The following PLD5 variants were observed in gnomAD, a reference collection of about 807,000 sequenced individuals.
PLD5 encodes phospholipase D family member 5, also known as inactive phospholipase D5.
A neutral mutation model predicts 61.1 loss-of-function variants in PLD5; 36 were observed. The observed-to-expected ratio is 0.59, with a 90% confidence interval of 0.45 to 0.78. The LOEUF is 0.78. Ranked by LOEUF, PLD5 falls within the 30% of genes least tolerant of loss-of-function variation. The pLI, the probability that PLD5 is intolerant of heterozygous loss-of-function variation, is 0.00. For synonymous variants in PLD5, 243 were observed against 242.8 expected, an observed-to-expected ratio of 1.00 and a Z score of -0.01; for missense variants, 515 against 644.4, an observed-to-expected ratio of 0.80 and a Z score of 2.17.
intron 5 of PLD5, among the ~76,000 whole-genome samples, chr1:242,155,067 G>A (rs1174092876): frequency 6.6e-6 from 1 of 152,112 alleles, no homozygotes; most frequent in Non-Finnish European, 1.5e-5. Context: ...TCCTAGTTTA[G>A]ACTTGGGAGG....
chr1:242,331,364 A>G lies in PLD5; in HGVS notation c.326+16742T>C, dbSNP rs546195070. Among the ~76,000 whole-genome samples the G allele has an allele frequency of 3.9e-5, 6 of 152,092 alleles. No homozygotes were observed. In the East Asian group the frequency reaches 1.2e-3, roughly 29 times the overall value. ...AACATGGAATAAGAAACTTGACAGT[A>G]ATGTATACAAAGGACAAATGTCACT... is the stretch of plus-strand genomic sequence containing the variant. On this transcript the variant is annotated intron_variant, in intron 2 of 9. Transcript: ENST00000536534.
At chr1:242,384,936 AG>A (rs901527145) in intron 1 of PLD5, among the ~76,000 whole-genome samples, 4 of 152,360 alleles carry the variant, frequency 2.6e-5, no homozygotes, top group Non-Finnish European at 5.9e-5. Context: ...AATATTCATC[AG>A]TAGGACACAT....
intron 5 of PLD5, among the ~76,000 whole-genome samples, chr1:242,176,971 TTGG>T (rs1355210408): frequency 6.6e-6 from 1 of 152,170 alleles, no homozygotes; most frequent in Non-Finnish European, 1.5e-5. Context: ...TTGCACACTG[TTGG>T]TGGGAGTGTA....
chr1:242,380,069 A>T (rs1212974547), intron 1 of PLD5, among the ~76,000 whole-genome samples: 4 of 152,222 alleles, frequency 2.6e-5, no homozygotes, highest in Non-Finnish European at 5.9e-5. Context: ...ACTTTAGAAT[A>T]CCAGGGCATT....
intron 4 of PLD5, among the ~76,000 whole-genome samples, chr1:242,228,960 G>A (rs1157161996): frequency 9.9e-5 from 15 of 152,090 alleles, no homozygotes; most frequent in Non-Finnish European, 1.5e-5. Flanking sequence ...TATTCTTACG[G>A]TATTAACCAG....
In PLD5 at chr1:242,412,757, T is replaced by C. The variant is rs537072135; in HGVS notation, c.190-64515A>G. 1.4e-4 allele frequency among the ~76,000 whole-genome samples: 21 copies of C among 152,358 alleles called. No individual in the cohort carries two copies. In the South Asian group the frequency reaches 4.3e-3, roughly 32 times the overall value. On this transcript the variant is annotated intron_variant, in intron 1 of 9. Coordinates refer to ENST00000536534, the MANE Select transcript of PLD5 (RefSeq NM_001372062.1). ...GATTCCAGTTTTTGGCTATTGTAAA[T>C]GTAAAAGGTGCTATTATCATTTGTG...
intron 1 of PLD5, among the ~76,000 whole-genome samples, chr1:242,518,377 T>A (rs1437582073): frequency 6.6e-6 from 1 of 152,232 alleles, no homozygotes; most frequent in Non-Finnish European, 1.5e-5. Flanking sequence ...GAATGGATCT[T>A]AAGCAATTGG....
In PLD5 at chr1:242,336,897, T is replaced by C. The variant is rs530564035; in HGVS notation, c.326+11209A>G. Among the ~76,000 whole-genome samples, 137 of 152,348 alleles carry C rather than the reference T, an allele frequency of 9.0e-4. 4 individuals carry two copies. In the South Asian group the frequency reaches 0.026, roughly 28 times the overall value. ...AAGGCAGGGATCTCTGACCTATACG[T>C]TTCTCTGTTTTGGTCAAACAAGTTA... On this transcript the variant is annotated intron_variant, in intron 2 of 9. Transcript: ENST00000536534.
chr1:242,185,315 A>G (rs10803020), intron 5 of PLD5, among the ~76,000 whole-genome samples: 16,193 of 151,880 alleles, frequency 0.11, 1,464 homozygotes, highest in East Asian at 0.43. Flanking sequence ...AACTAAAGAC[A>G]GTAAGGGAGA....
chr1:242,378,412 GAA>G (rs1276667775), intron 1 of PLD5, among the ~76,000 whole-genome samples: 2 of 152,200 alleles, frequency 1.3e-5, no homozygotes, highest in African/African-American at 2.4e-5. Context: ...TCTGCAAGAT[GAA>G]AAGAGTTCTG....
chr1:242,368,596 T>C (rs576645382), intron 1 of PLD5, among the ~76,000 whole-genome samples: 5 of 152,288 alleles, frequency 3.3e-5, no homozygotes, highest in South Asian at 4.1e-4. Context: ...GGCATCTGCA[T>C]AGGGCATGAA....
At chr1:242,449,220 A>G in intron 1 of PLD5, 1 of 1,124,408 alleles carries the variant, frequency 8.9e-7, no homozygotes, top group Admixed American at 2.2e-5. Context: ...CCCTTCTCAT[A>G]AAAAAAGGAC....
chr1:242,223,724 G>A (rs12072989), intron 4 of PLD5, among the ~76,000 whole-genome samples: 3,805 of 152,096 alleles, frequency 0.025, 173 homozygotes, highest in African/African-American at 0.086. Context: ...ATATATTTTT[G>A]TATATGGTTC....
chr1:242,329,880 T>C (rs1659065217), intron 2 of PLD5, among the ~76,000 whole-genome samples: 1 of 152,210 alleles, frequency 6.6e-6, no homozygotes, highest in Admixed American at 6.5e-5. Flanking sequence ...AAAACCCAGC[T>C]TCACAAGTGT....
intron 2 of PLD5, among the ~76,000 whole-genome samples, chr1:242,306,318 C>T (rs1676345803): frequency 6.6e-6 from 1 of 150,922 alleles, no homozygotes; most frequent in Non-Finnish European, 1.5e-5. Context: ...GAGATTCACA[C>T]CCACCACACA....
intron 5 of PLD5, among the ~76,000 whole-genome samples, chr1:242,159,474 A>C (rs545210429): frequency 6.6e-5 from 10 of 152,084 alleles, no homozygotes; most frequent in African/African-American, 9.7e-5. Flanking sequence ...AAATGCTATG[A>C]ATTTGTTATA....
chr1:242,115,177 GAAAAGAA>G (rs1177677398), intron 6 of PLD5, among the ~76,000 whole-genome samples: 5 of 151,526 alleles, frequency 3.3e-5, no homozygotes, highest in African/African-American at 4.9e-5. Flanking sequence ...GATGCTGTCT[GAAAAGAA>G]AAAAGAAAAA....
chr1:242,236,476 G>T lies in PLD5; in HGVS notation c.608-16361C>A, dbSNP rs141346711. Among the ~76,000 whole-genome samples the T allele has an allele frequency of 3.0e-4, 45 of 151,772 alleles. 2 individuals are homozygous for T. The highest frequency in any genetic ancestry group is 2.5e-3 in the East Asian group (13 of 5,166). On this transcript the variant is annotated intron_variant, in intron 4 of 9. Coordinates refer to ENST00000536534, the MANE Select transcript of PLD5 (RefSeq NM_001372062.1). The stretch of plus-strand genomic sequence containing the variant: ...TATCAAGCTCTGTCTAGTGTCTAGC[G>T]AGTCAAGAATATAAGCAATTTCTCC...
intron 3 of PLD5, among the ~76,000 whole-genome samples, chr1:242,277,582 G>T (rs889092985): frequency 1.2e-4 from 18 of 148,946 alleles, no homozygotes; most frequent in African/African-American, 4.2e-4. Context: ...ACTTAACCTG[G>T]TAAGTCTAAT....
Sources: allele counts gnomAD v4.1 joint callset (sites outside exome capture counted in the v4.1 genomes callset), GRCh38; gene constraint gnomAD v4.1.1; transcripts MANE v1.5; gene names NCBI Gene and HGNC (gene_info 2026-07-23, HGNC 2026-07-21).